The following GRIN2A variants were observed in gnomAD, a reference collection of about 807,000 sequenced individuals.
GRIN2A encodes glutamate ionotropic receptor NMDA type subunit 2A, also known as glutamate receptor ionotropic, NMDA 2A.
A neutral mutation model predicts 113.4 loss-of-function variants in GRIN2A; 22 were observed. That is an observed-to-expected ratio of 0.19 (90% confidence interval 0.14 to 0.28). The LOEUF (loss-of-function observed/expected upper bound fraction) is 0.28, where lower values mean the gene tolerates loss of function less well. Ranked by LOEUF, GRIN2A falls within the 10% of genes least tolerant of loss-of-function variation. The probability of loss-of-function intolerance (pLI) is 1.00; values close to 1 mark genes in which losing one functional copy is unlikely to be tolerated. For synonymous variants in GRIN2A, 827 were observed against 738.4 expected (o/e 1.12, Z -1.94); for missense variants, 1,502 against 1,887.0 (o/e 0.80, Z 3.78).
At chr16:10,156,406 A>G (rs1159828009) in intron 2 of GRIN2A, among the ~76,000 whole-genome samples, 1 of 152,250 alleles carries the variant, frequency 6.6e-6, no homozygotes, top group African/African-American at 2.4e-5. Flanking sequence ...GAAATAAGGA[A>G]AGAAAGTATG....
At chr16:10,014,044 T>C (rs1225527555) in intron 2 of GRIN2A, among the ~76,000 whole-genome samples, 1 of 152,224 alleles carries the variant, frequency 6.6e-6, no homozygotes, top group Non-Finnish European at 1.5e-5. Flanking sequence ...ACTTCGTTAT[T>C]TGATGCCTGT....
At chr16:10,051,012 T>C (rs767121175) in intron 2 of GRIN2A, among the ~76,000 whole-genome samples, 1 of 152,200 alleles carries the variant, frequency 6.6e-6, no homozygotes, top group South Asian at 2.1e-4. Context: ...ATTCAGATGA[T>C]GAAGCTAAGA....
intron 3 of GRIN2A, among the ~76,000 whole-genome samples, chr16:9,919,214 G>A (rs939265038): frequency 6.6e-6 from 1 of 151,988 alleles, no homozygotes; most frequent in African/African-American, 2.4e-5. Context: ...TCAGCGATAG[G>A]GTAGATTTCA....
intron 2 of GRIN2A, among the ~76,000 whole-genome samples, chr16:9,989,465 C>A (rs548006805): frequency 6.6e-6 from 1 of 152,194 alleles, no homozygotes; most frequent in Non-Finnish European, 1.5e-5. Flanking sequence ...AAATACTGTT[C>A]TGGACATTAG....
chr16:9,964,904 C>T (rs141372642), intron 2 of GRIN2A, among the ~76,000 whole-genome samples: 5 of 152,276 alleles, frequency 3.3e-5, no homozygotes, highest in African/African-American at 9.6e-5. Context: ...TCCTATCACA[C>T]GTGAAATTAT....
intron 2 of GRIN2A, among the ~76,000 whole-genome samples, chr16:10,014,764 G>A (rs993780941): frequency 2.0e-5 from 3 of 152,198 alleles, no homozygotes; most frequent in African/African-American, 4.8e-5. Context: ...AGGTCAGAGT[G>A]GAGAGAGACA....
intron 2 of GRIN2A, among the ~76,000 whole-genome samples, chr16:9,995,317 C>G (rs1288764736): frequency 6.6e-6 from 1 of 152,172 alleles, no homozygotes; most frequent in Non-Finnish European, 1.5e-5. Flanking sequence ...TCAAGAGAAT[C>G]TGGGGGACAA....
intron 11 of GRIN2A, among the ~76,000 whole-genome samples, chr16:9,772,862 C>T (rs1237174951): frequency 4.3e-5 from 6 of 140,446 alleles, no homozygotes; most frequent in Non-Finnish European, 1.5e-5. Flanking sequence ...TCCTTCTGCC[C>T]TTTGCCCAAA....
At chr16:10,039,854 C>T (rs1470614468) in intron 2 of GRIN2A, among the ~76,000 whole-genome samples, 1 of 133,608 alleles carries the variant, frequency 7.5e-6, no homozygotes, top group African/African-American at 3.0e-5. Flanking sequence ...GTCCACACCG[C>T]TCAGAGGAGG....
At chr16:10,163,989 T>C (rs1203642585) in intron 2 of GRIN2A, among the ~76,000 whole-genome samples, 2 of 152,196 alleles carry the variant, frequency 1.3e-5, no homozygotes, top group Admixed American at 6.5e-5. Flanking sequence ...GAGAATAAGT[T>C]TATGGCTTAA....
At chr16:10,178,712 A>G (rs1596585418) in intron 2 of GRIN2A, among the ~76,000 whole-genome samples, 1 of 152,230 alleles carries the variant, frequency 6.6e-6, no homozygotes, top group Non-Finnish European at 1.5e-5. Context: ...AGGAGACCTG[A>G]AAGAATTAAT....
intron 2 of GRIN2A, among the ~76,000 whole-genome samples, chr16:10,042,476 C>A (rs978218074): frequency 1.3e-5 from 2 of 152,166 alleles, no homozygotes; most frequent in African/African-American, 2.4e-5. Flanking sequence ...CAGCCTCAGT[C>A]CAGCCTTTAG....
At chr16:9,964,899 T>C (rs146595509) in intron 2 of GRIN2A, among the ~76,000 whole-genome samples, 34 of 152,348 alleles carry the variant, frequency 2.2e-4, no homozygotes, top group African/African-American at 8.2e-4. Flanking sequence ...ATTCTTCCTA[T>C]CACACGTGAA....
intron 2 of GRIN2A, among the ~76,000 whole-genome samples, chr16:10,110,051 AT>A (rs1437789072): frequency 2.2e-5 from 2 of 89,332 alleles, no homozygotes; most frequent in African/African-American, 8.7e-5. Flanking sequence ...TCCCTCCCCC[AT>A]CCCCCCACCC....
chr16:9,969,950 T>C (rs1227477684), intron 2 of GRIN2A, among the ~76,000 whole-genome samples: 1 of 152,220 alleles, frequency 6.6e-6, no homozygotes, highest in African/African-American at 2.4e-5. Context: ...TTAGACCTAC[T>C]GAATTAGAAT....
chr16:9,924,144 A>C (rs2044411797), intron 3 of GRIN2A, among the ~76,000 whole-genome samples: 1 of 151,672 alleles, frequency 6.6e-6, no homozygotes, highest in African/African-American at 2.4e-5. Context: ...AAAAAACAAA[A>C]ACCTCATGCG....
chr16:10,087,234 C>T (rs1051029175), intron 2 of GRIN2A, among the ~76,000 whole-genome samples: 1 of 152,166 alleles, frequency 6.6e-6, no homozygotes, highest in Admixed American at 6.5e-5. Flanking sequence ...CTATATCTAC[C>T]GCATTGGTTT....
chr16:10,176,388 TAACACCACA>T (rs1351986575), intron 2 of GRIN2A, among the ~76,000 whole-genome samples: 2 of 152,136 alleles, frequency 1.3e-5, no homozygotes, highest in Admixed American at 1.3e-4. Context: ...TAAATTAAAT[TAACACCACA>T]AAAATCCACC....
rs2141595767 is a variant in GRIN2A, at chr16:9,926,392, T to C, written c.1007+11567A>G. On this transcript the variant is annotated intron_variant, in intron 3 of 12. Coordinates refer to ENST00000330684, the MANE Select transcript of GRIN2A (RefSeq NM_001134407.3). ...TTGGGAAGCCTCTAGTCATGGAAAA[T>C]CATATCCCAGCAGTGCTTTATATGA... is the stretch of plus-strand genomic sequence containing the variant. 3.9e-5 allele frequency among the ~76,000 whole-genome samples: 6 copies of C among 152,252 alleles called. No individual in the cohort carries two copies. In the Middle Eastern group the frequency reaches 0.017, roughly 432 times the overall value.
Sources: allele counts gnomAD v4.1 joint callset (sites outside exome capture counted in the v4.1 genomes callset), GRCh38; gene constraint gnomAD v4.1.1; transcripts MANE v1.5; gene names NCBI Gene and HGNC (gene_info 2026-07-23, HGNC 2026-07-21).